The following KCNH5 variants were observed in gnomAD, a reference collection of about 807,000 sequenced individuals.
KCNH5 encodes the protein potassium voltage-gated channel subfamily H member 5.
Under a neutral mutation model 96.1 loss-of-function variants are expected in KCNH5, and 46 were observed. The ratio of observed to expected loss-of-function variants is 0.48; its 90% CI spans 0.38 to 0.61. The LOEUF (loss-of-function observed/expected upper bound fraction) is 0.61. Ranked by LOEUF, KCNH5 falls within the 20% of genes least tolerant of loss-of-function variation. KCNH5 has a pLI of 0.00. For synonymous variants in KCNH5, 439 were observed against 449.8 expected, an observed-to-expected ratio of 0.98 and a Z score of 0.30; for missense variants, 907 against 1,225.8, an observed-to-expected ratio of 0.74 and a Z score of 3.88.
chr14:62,921,956 C>T (rs1170720228), intron 7 of KCNH5, among the ~76,000 whole-genome samples: 2 of 152,060 alleles, frequency 1.3e-5, no homozygotes, highest in African/African-American at 4.8e-5. Flanking sequence ...AAGCTTAAAA[C>T]ATGCTTGCAA....
intron 7 of KCNH5, among the ~76,000 whole-genome samples, chr14:62,944,761 T>G (rs1172915342): frequency 6.6e-6 from 1 of 152,114 alleles, no homozygotes; most frequent in Non-Finnish European, 1.5e-5. Flanking sequence ...AAAGGAAATA[T>G]CCCATGAAAT....
chr14:62,725,424 A>C (rs929374802), intron 10 of KCNH5, among the ~76,000 whole-genome samples: 2 of 152,190 alleles, frequency 1.3e-5, no homozygotes, highest in Non-Finnish European at 2.9e-5. Context: ...CCATTTTCTA[A>C]AGCACAGTTT....
At chr14:62,954,579 G>A (rs559813110) in intron 6 of KCNH5, among the ~76,000 whole-genome samples, 30 of 152,274 alleles carry the variant, frequency 2.0e-4, no homozygotes, top group East Asian at 1.2e-3. Flanking sequence ...GTATAATGTA[G>A]AGAACAAAAC....
intron 6 of KCNH5, among the ~76,000 whole-genome samples, chr14:62,969,504 CAT>C (rs1890362461): frequency 6.6e-6 from 1 of 152,028 alleles, no homozygotes; most frequent in African/African-American, 2.4e-5. Context: ...CCAAACACCA[CAT>C]GTTCTTACTC....
intron 2 of KCNH5, among the ~76,000 whole-genome samples, chr14:63,007,728 T>G (rs1223991910): frequency 6.6e-6 from 1 of 152,152 alleles, no homozygotes; most frequent in Non-Finnish European, 1.5e-5. Flanking sequence ...ATTCTCATCA[T>G]TTCAGGGAAT....
chr14:62,878,912 T>G (rs889183734), intron 7 of KCNH5, among the ~76,000 whole-genome samples: 2 of 152,136 alleles, frequency 1.3e-5, no homozygotes, highest in African/African-American at 4.8e-5. Flanking sequence ...TCGTACTAGA[T>G]TAGGACCCAC....
intron 5 of KCNH5, among the ~76,000 whole-genome samples, chr14:62,984,338 C>A (rs1890665569): frequency 6.6e-6 from 1 of 152,124 alleles, no homozygotes; most frequent in Non-Finnish European, 1.5e-5. Context: ...AGCAGGGTGT[C>A]AATGCACGCA....
At chr14:62,744,747 A>G (rs1885340819) in intron 10 of KCNH5, among the ~76,000 whole-genome samples, 1 of 152,214 alleles carries the variant, frequency 6.6e-6, no homozygotes, top group Non-Finnish European at 1.5e-5. Flanking sequence ...GTCAGAAACC[A>G]TGATTGTTCA....
intron 7 of KCNH5, among the ~76,000 whole-genome samples, chr14:62,876,456 T>G (rs78869357): frequency 0.05 from 7,634 of 152,208 alleles, 641 homozygotes; most frequent in African/African-American, 0.17. Context: ...AAATGTTTAA[T>G]AAATCTATCA....
chr14:62,883,388 T>C (rs550200458), intron 7 of KCNH5, among the ~76,000 whole-genome samples: 1 of 152,270 alleles, frequency 6.6e-6, no homozygotes, highest in African/African-American at 2.4e-5. Context: ...CTTTTCTCTG[T>C]GGAGGGTGAT....
intron 9 of KCNH5, among the ~76,000 whole-genome samples, chr14:62,784,052 T>C (rs1886271915): frequency 6.6e-6 from 1 of 152,112 alleles, no homozygotes; most frequent in African/African-American, 2.4e-5. Context: ...AATGAAGACA[T>C]ACCCAAGACT....
chr14:62,915,834 A>G (rs1174358440), intron 7 of KCNH5, among the ~76,000 whole-genome samples: 1 of 152,208 alleles, frequency 6.6e-6, no homozygotes, highest in Non-Finnish European at 1.5e-5. Flanking sequence ...TTAATATGAG[A>G]TAGGTGTCAT....
rs1426526136 is a variant in KCNH5, at chr14:62,707,389, C to T, written c.*119G>A. 2.1e-6 allele frequency: 1 copy of T among 481,980 alleles called. No individual in the cohort carries two copies. Among genetic ancestry groups the T allele is most frequent in the Admixed American group, 4.4e-5 (1 of 22,848 alleles). 29.9% of individuals were successfully genotyped at this position (481,980 alleles called of 1,614,324 possible). ...AGCTGGACATGCAATATTTACATAT[C>T]AAAATCCATGTGTGGTCATCATCTT... On this transcript the variant is annotated 3_prime_UTR_variant, in exon 11 of 11. Transcript: ENST00000322893.
intron 8 of KCNH5, among the ~76,000 whole-genome samples, chr14:62,815,211 T>C (rs1438434693): frequency 1.3e-5 from 2 of 152,286 alleles, no homozygotes; most frequent in Middle Eastern, 3.4e-3. Context: ...TATCCATTTA[T>C]ATAAAGTTCA....
chr14:62,794,303 A>G (rs1886494855), intron 9 of KCNH5, among the ~76,000 whole-genome samples: 1 of 151,916 alleles, frequency 6.6e-6, no homozygotes, highest in South Asian at 2.1e-4. Context: ...TAATATAGGT[A>G]CTCTTATTTT....
intron 8 of KCNH5, among the ~76,000 whole-genome samples, chr14:62,841,417 T>A (rs1292666806): frequency 6.6e-6 from 1 of 152,156 alleles, no homozygotes; most frequent in Admixed American, 6.5e-5. Flanking sequence ...AATACAATAA[T>A]AGGTTGGATA....
intron 7 of KCNH5, among the ~76,000 whole-genome samples, chr14:62,927,802 G>A (rs909040833): frequency 5.9e-5 from 9 of 151,978 alleles, no homozygotes; most frequent in African/African-American, 2.2e-4. Flanking sequence ...CTATATAGGG[G>A]TTAAGGATGT....
intron 7 of KCNH5, among the ~76,000 whole-genome samples, chr14:62,916,460 A>G (rs552955944): frequency 6.6e-6 from 1 of 152,334 alleles, no homozygotes; most frequent in South Asian, 2.1e-4. Context: ...GCTTAATTTT[A>G]TTAGACAGAA....
chr14:62,818,832 C>G (rs189682550), intron 8 of KCNH5, among the ~76,000 whole-genome samples: 1 of 152,060 alleles, frequency 6.6e-6, no homozygotes, highest in African/African-American at 2.4e-5. Flanking sequence ...CTATACACAC[C>G]GTATGATTCC....
Sources: allele counts gnomAD v4.1 joint callset (sites outside exome capture counted in the v4.1 genomes callset), GRCh38; gene constraint gnomAD v4.1.1; transcripts MANE v1.5; gene names NCBI Gene and HGNC (gene_info 2026-07-23, HGNC 2026-07-21).